Variants in ECH1 observed in about 807,000 individuals in gnomAD.
ECH1 encodes the protein enoyl-CoA hydratase 1.
In ECH1, 30 loss-of-function variants were observed where a neutral mutation model predicts 37.0. That is an observed-to-expected ratio of 0.81 (90% CI 0.61 to 1.10). The LOEUF (loss-of-function observed/expected upper bound fraction) is 1.10. Among genes scored for constraint, ECH1 ranks in the 50% least tolerant of loss-of-function variants. The pLI, the probability that ECH1 is intolerant of heterozygous loss-of-function variation, is 0.00. For synonymous variants in ECH1, 178 were observed against 176.0 expected (o/e 1.01, Z -0.09); for missense variants, 456 against 441.6 (o/e 1.03, Z -0.29).
At chr19:38,822,292 G>A (rs1971675182) in intron 3 of ECH1, among the ~76,000 whole-genome samples, 1 of 151,810 alleles carries the variant, frequency 6.6e-6, no homozygotes, top group Non-Finnish European at 1.5e-5. Flanking sequence ...TCTAGCTCAA[G>A]GTTTGTAAAT....
At chr19:38,827,412 TG>T (rs1324416396) in intron 3 of ECH1, among the ~76,000 whole-genome samples, 1 of 152,008 alleles carries the variant, frequency 6.6e-6, no homozygotes, top group Non-Finnish European at 1.5e-5. Context: ...CTGAAGGCAC[TG>T]GGCAGATTCT....
chr19:38,817,001 C>T (rs1971586401), intron 6 of ECH1, 64 bp downstream of exon 6: 1 of 1,533,060 alleles, frequency 6.5e-7, no homozygotes, highest in African/African-American at 1.4e-5. Context: ...TCGAGGCTCA[C>T]TCCAGGCCCC....
At chr19:38,824,870 C>T (rs752327871) in intron 3 of ECH1, among the ~76,000 whole-genome samples, 2 of 152,170 alleles carry the variant, frequency 1.3e-5, no homozygotes, top group Non-Finnish European at 2.9e-5. Flanking sequence ...CAAAGGACCA[C>T]AAAACCCTCC....
chr19:38,822,495 G>A (rs1971677981), intron 3 of ECH1, among the ~76,000 whole-genome samples: 2 of 151,734 alleles, frequency 1.3e-5, no homozygotes, highest in Non-Finnish European at 2.9e-5. Flanking sequence ...AGCTAATCTG[G>A]TGGGGACTTG....
chr19:38,831,049 T>C, intron 3 of ECH1, 29 bp downstream of exon 3: 3 of 1,605,376 alleles, frequency 1.9e-6, no homozygotes, highest in Non-Finnish European at 2.6e-6. Context: ...CTAGGAAGGC[T>C]GGCAGGGTGT....
intron 3 of ECH1, among the ~76,000 whole-genome samples, chr19:38,828,034 G>A (rs1309231922): frequency 6.6e-6 from 1 of 151,912 alleles, no homozygotes; most frequent in African/African-American, 2.4e-5. Context: ...AACATAGCAA[G>A]ACCTCATCTC....
rs1333886869 is a variant in ECH1 at position 38,815,467 on chromosome 19, G to A, written c.*146C>T. 3 of 738,118 alleles carry A rather than the reference G, an allele frequency of 4.1e-6. No homozygotes were observed. In the East Asian group the frequency reaches 8.1e-5, roughly 20 times the overall value. 45.7% of individuals were successfully genotyped at this position (738,118 alleles called of 1,614,324 possible). On this transcript the variant is annotated 3_prime_UTR_variant, in exon 10 of 10. Coordinates refer to ENST00000221418, the MANE Select transcript of ECH1 (RefSeq NM_001398.3). ...TTTGTGGGGTGAAGATAAGGCCTTG[G>A]GCTTGAGAAACTCATTGTCATAAAG...
chr19:38,831,141 T>A lies in ECH1; in HGVS notation c.286A>T (p.Ile96Phe), dbSNP rs778028331. Residue 96 changes from isoleucine to phenylalanine, a missense_variant, in exon 3 of 10, where the codon ATT becomes TTT. Ile to Phe is a conservative substitution (Grantham distance 21, BLOSUM62 0). Coordinates refer to ENST00000221418, the MANE Select transcript of ECH1 (RefSeq NM_001398.3). The stretch of plus-strand genomic sequence containing the variant: ...GCCCGACAGTCAGCGTCTCTCGAAA[T>A]CTTGTTGAAGCACTCTACCATCTCT... ...WREMVECFNK[I>F]SRDADCRAVV... 6.2e-7 allele frequency: 1 copy of A among 1,614,088 alleles called. No homozygotes were observed.
intron 8 of ECH1, 135 bp from the exon 9 acceptor site, chr19:38,816,142 G>T: frequency 6.8e-7 from 1 of 1,471,958 alleles, no homozygotes. Context: ...GCAGGGGGCT[G>T]ACCCCACAAT....
At chr19:38,829,667 CTT>C (rs1238184229) in intron 3 of ECH1, among the ~76,000 whole-genome samples, 1 of 151,290 alleles carries the variant, frequency 6.6e-6, no homozygotes, top group Non-Finnish European at 1.5e-5. Flanking sequence ...AACACAAAAA[CTT>C]AGCTGGGTGT....
chr19:38,820,090 TCA>T (rs1387927863), intron 3 of ECH1: 1 of 536,950 alleles, frequency 1.9e-6, no homozygotes, highest in African/African-American at 2.5e-5. Flanking sequence ...AGATGTAGTC[TCA>T]CTCTATCGCC....
chr19:38,828,873 G>A (rs1479741281), intron 3 of ECH1, among the ~76,000 whole-genome samples: 4 of 148,186 alleles, frequency 2.7e-5, no homozygotes, highest in African/African-American at 7.4e-5. Flanking sequence ...CGCCTGCCTC[G>A]ACCTCCCAAA....
chr19:38,828,869 C>G (rs1042675516), intron 3 of ECH1, among the ~76,000 whole-genome samples: 1 of 151,748 alleles, frequency 6.6e-6, no homozygotes, highest in African/African-American at 2.4e-5. Context: ...GATCCGCCTG[C>G]CTCGACCTCC....
chr19:38,830,991 C>A, intron 3 of ECH1, 87 bp downstream of exon 3: 2 of 1,250,564 alleles, frequency 1.6e-6, no homozygotes, highest in South Asian at 1.3e-5. Flanking sequence ...TCAGAAGCTG[C>A]TTAAAACCCT....
chr19:38,816,245 G>A (rs769053466), intron 8 of ECH1, 39 bp downstream of exon 8: 5 of 1,608,088 alleles, frequency 3.1e-6, no homozygotes, highest in Non-Finnish European at 4.2e-6. Flanking sequence ...TCCAGGCCTG[G>A]CTGCCCCCAG....
chr19:38,824,000 G>A (rs1390641385), intron 3 of ECH1, among the ~76,000 whole-genome samples: 3 of 152,062 alleles, frequency 2.0e-5, no homozygotes, highest in African/African-American at 4.8e-5. Flanking sequence ...GGAATTTTAC[G>A]ATCCCTCCTC....
At chr19:38,823,623 T>C (rs1380792629) in intron 3 of ECH1, among the ~76,000 whole-genome samples, 1 of 152,106 alleles carries the variant, frequency 6.6e-6, no homozygotes, top group African/African-American at 2.4e-5. Flanking sequence ...TTCCTGTACT[T>C]CTGGGCTGAG....
At chr19:38,831,556 A>G in intron 1 of ECH1, 40 bp from the exon 2 acceptor site, 1 of 1,586,818 alleles carries the variant, frequency 6.3e-7, no homozygotes, top group Non-Finnish European at 8.6e-7. Flanking sequence ...CCCAGACTGC[A>G]AGACACAGGC....
intron 3 of ECH1, among the ~76,000 whole-genome samples, chr19:38,819,535 T>A (rs1016491330): frequency 2.0e-5 from 3 of 151,988 alleles, no homozygotes; most frequent in Non-Finnish European, 2.9e-5. Context: ...TGTCTTTCTG[T>A]CCACTGCTGC....
Sources: allele counts gnomAD v4.1 joint callset (sites outside exome capture counted in the v4.1 genomes callset), GRCh38; gene constraint gnomAD v4.1.1; transcripts MANE v1.5; gene names NCBI Gene and HGNC (gene_info 2026-07-23, HGNC 2026-07-21).